The following GNG7 variants were observed in gnomAD, a reference collection of about 807,000 sequenced individuals.
The protein encoded by GNG7 is G protein subunit gamma 7, also known as guanine nucleotide-binding protein G(I)/G(S)/G(O) subunit gamma-7.
Under a neutral mutation model 4.0 loss-of-function variants are expected in GNG7, and 1 was observed. The observed-to-expected ratio is 0.25, with a 90% CI of 0.09 to 1.18. GNG7 has a LOEUF of 1.18. GNG7 is among the 50% of genes most tolerant of loss of function. The probability of loss-of-function intolerance (pLI) is 0.50; values close to 1 mark genes in which losing one functional copy is unlikely to be tolerated. For missense variants in GNG7, 86 were observed against 91.9 expected (o/e 0.94, Z 0.26); for synonymous variants, 34 against 36.9 (o/e 0.92, Z 0.29).
intron 3 of GNG7, among the ~76,000 whole-genome samples, chr19:2,526,910 A>G (rs892888167): frequency 6.6e-5 from 10 of 151,780 alleles, no homozygotes; most frequent in Admixed American, 3.9e-4. Flanking sequence ...CAGTGGCACA[A>G]TCTCGGCTCA....
chr19:2,669,961 G>T (rs1348015993), intron 1 of GNG7, among the ~76,000 whole-genome samples: 1 of 149,534 alleles, frequency 6.7e-6, no homozygotes, highest in Non-Finnish European at 1.5e-5. Context: ...AGTGAGCTGA[G>T]ATCGCGCCAA....
chr19:2,665,474 T>C (rs543525724), intron 1 of GNG7, among the ~76,000 whole-genome samples: 1 of 151,532 alleles, frequency 6.6e-6, no homozygotes, highest in South Asian at 2.1e-4. Flanking sequence ...AAGAGGGCCA[T>C]GCGGGACAAA....
chr19:2,642,723 G>A (rs1365888780), intron 2 of GNG7: 2 of 447,744 alleles, frequency 4.5e-6, no homozygotes, highest in Non-Finnish European at 9.0e-6. Context: ...CAAACTCCTG[G>A]GCTCAAGCCA....
intron 2 of GNG7, among the ~76,000 whole-genome samples, chr19:2,620,281 G>A (rs563802146): frequency 1.4e-5 from 2 of 146,960 alleles, no homozygotes; most frequent in South Asian, 4.4e-4. Flanking sequence ...GGACCCTGTA[G>A]AATGAAAGAA....
chr19:2,680,932 C>T (rs1463897042), intron 1 of GNG7, among the ~76,000 whole-genome samples: 1 of 152,004 alleles, frequency 6.6e-6, no homozygotes, highest in African/African-American at 2.4e-5. Flanking sequence ...CCTACCTCCC[C>T]GTGAGCCCTT....
intron 2 of GNG7, among the ~76,000 whole-genome samples, chr19:2,596,087 G>A (rs932082014): frequency 6.6e-6 from 1 of 152,112 alleles, no homozygotes; most frequent in South Asian, 2.1e-4. Context: ...GGCCGGGCGC[G>A]GTGGCTCATA....
In GNG7 at chr19:2,568,783, TACAC is replaced by T. The variant is rs1231967525; in HGVS notation, c.-77-13599_-77-13596del. Among the ~76,000 whole-genome samples, 7 of 141,258 alleles carry T rather than the reference TACAC, an allele frequency of 5.0e-5. No homozygotes were observed. The South Asian group carries it at 1.3e-3, about 26-fold the overall frequency. 92.7% of individuals were successfully genotyped at this position (141,258 alleles called of 152,430 possible). Reference sequence around the variant, plus strand: ...ATACACATATACACATAAATACACATACACACATATACACGCACATATATACACA... The same window carrying T: ...ATACACATATACACATAAATACACATACATATACACGCACATATATACACA... On this transcript the variant is annotated intron_variant, in intron 2 of 4. Coordinates refer to ENST00000382159, the MANE Select transcript of GNG7 (RefSeq NM_052847.3).
chr19:2,648,945 A>G (rs1433042538), intron 1 of GNG7, among the ~76,000 whole-genome samples: 1 of 151,520 alleles, frequency 6.6e-6, no homozygotes, highest in Non-Finnish European at 1.5e-5. Context: ...CTGGAGTGCA[A>G]TGGTGTAATC....
Position 2,513,668 on chromosome 19 carries a change from T to C in GNG7, c.*1354A>G. On this transcript the variant is annotated 3_prime_UTR_variant, in exon 5 of 5. Transcript: ENST00000382159. ...CGGGTTCGAGCGACAGGGTAACGTTTTGAGCGGACGTTTTGATCTCCGGGA... is the reference window on the plus strand; with the variant it reads ...CGGGTTCGAGCGACAGGGTAACGTTCTGAGCGGACGTTTTGATCTCCGGGA... 3.0e-6 allele frequency: 2 copies of C among 656,304 alleles called. No individual in the cohort carries two copies. The highest frequency in any genetic ancestry group is 3.8e-6 in the Non-Finnish European group (2 of 529,632). 40.7% of individuals were successfully genotyped at this position (656,304 alleles called of 1,614,324 possible). A position where few individuals can be genotyped will look rare whatever the true frequency, so the allele number is the denominator to read the frequency against.
At chr19:2,627,411 TGTGGCC>T (rs1201697850) in intron 2 of GNG7, among the ~76,000 whole-genome samples, 2 of 152,162 alleles carry the variant, frequency 1.3e-5, no homozygotes, top group African/African-American at 4.8e-5. Flanking sequence ...GCCCCAGCCC[TGTGGCC>T]GCCTCTCCTC....
intron 2 of GNG7, chr19:2,642,608 C>G (rs1439727249): frequency 2.8e-6 from 1 of 362,794 alleles, no homozygotes; most frequent in African/African-American, 2.1e-5. Flanking sequence ...TCAAACGATC[C>G]TCCCCACTTC....
At position 2,595,171 on chromosome 19, in the gene GNG7, A is replaced by C. The variant is rs1599411556; in HGVS notation, c.-77-39983T>G. On this transcript the variant is annotated intron_variant, in intron 2 of 4. Transcript: ENST00000382159. ...GAGACGGAGTCTCACTCTGTTGCCCAGGCTGGAGTGCAGTGGCGTGATCTT... is the reference window on the plus strand; with the variant it reads ...GAGACGGAGTCTCACTCTGTTGCCCCGGCTGGAGTGCAGTGGCGTGATCTT... 1.3e-5 allele frequency: 2 copies of C among 148,700 alleles called. 1 individual carries two copies. Among genetic ancestry groups the C allele is most frequent in the African/African-American group, 4.9e-5 (2 of 40,616 alleles). The allele number at this position is 148,700 out of a possible 1,614,324, so 9.2% of individuals were successfully genotyped here.
chr19:2,615,188 G>A (rs1981686320), intron 2 of GNG7, among the ~76,000 whole-genome samples: 1 of 151,180 alleles, frequency 6.6e-6, no homozygotes, highest in Non-Finnish European at 1.5e-5. Flanking sequence ...TTGAGACGGA[G>A]TCTCGCTCTG....
At position 2,633,748 on chromosome 19, in the gene GNG7, G is replaced by A. The variant is rs1245390845; in HGVS notation, c.-78+12476C>T. 2.6e-5 allele frequency among the ~76,000 whole-genome samples: 4 copies of A among 152,102 alleles called. No individual in the cohort carries two copies. Among genetic ancestry groups the A allele is most frequent in the Non-Finnish European group, 5.9e-5 (4 of 68,016 alleles). On this transcript the variant is annotated intron_variant, in intron 2 of 4. Transcript: ENST00000382159. The surrounding 1 kb of genome is among the most constrained non-coding windows in gnomAD (Gnocchi z 5.9). ...AGCTGTAGTAATTCTGTCCAGAAGA[G>A]GACAGAAGCCTGCTCTCAACTCACC...
chr19:2,620,711 T>A (rs1981846421), intron 2 of GNG7, among the ~76,000 whole-genome samples: 1 of 151,888 alleles, frequency 6.6e-6, no homozygotes, highest in African/African-American at 2.4e-5. Context: ...CGTGGTGTTG[T>A]GCGCCTGTAA....
chr19:2,579,957 C>T (rs893019816), intron 2 of GNG7, among the ~76,000 whole-genome samples: 1 of 152,186 alleles, frequency 6.6e-6, no homozygotes, highest in African/African-American at 2.4e-5. Flanking sequence ...TCTGCCTCCT[C>T]CAGTTCTGGG....
At position 2,607,701 on chromosome 19, in the gene GNG7, T is replaced by C. The variant is rs531898941; in HGVS notation, c.-78+38523A>G. ...GGGGCCAGTCTGCAAGTACCTCCCA[T>C]GTAGGCTCAGCCTGGCACTTGAACC... is the stretch of plus-strand genomic sequence containing the variant. On this transcript the variant is annotated intron_variant, in intron 2 of 4. Transcript: ENST00000382159. Among the ~76,000 whole-genome samples, 11 of 152,214 alleles carry C rather than the reference T, an allele frequency of 7.2e-5. No homozygotes were observed. In the East Asian group the frequency reaches 1.5e-3, roughly 21 times the overall value.
intron 2 of GNG7, among the ~76,000 whole-genome samples, chr19:2,592,753 G>GGGGA (rs1320239289): frequency 1.5e-5 from 2 of 135,086 alleles, no homozygotes; most frequent in African/African-American, 5.5e-5. Context: ...GGGGAGGGGA[G>GGGGA]GGGAGGGGGA....
At chr19:2,577,844 C>CT (rs112517007) in intron 2 of GNG7, among the ~76,000 whole-genome samples, 1,895 of 137,306 alleles carry the variant, frequency 0.014, 38 homozygotes, top group African/African-American at 0.043. Flanking sequence ...TGTTATTTTC[C>CT]TTTTTTTTTT....
Sources: gnomAD v4.1 joint callset for allele counts (sites outside exome capture counted in the v4.1 genomes callset) on GRCh38, gnomAD v4.1.1 for gene constraint, Gnocchi (gnomAD v3.1) non-coding constraint, MANE v1.5 for transcripts, NCBI Gene and HGNC (gene_info 2026-07-23, HGNC 2026-07-21) for gene names.